Variants in SLIT2 observed in about 807,000 individuals in gnomAD.
SLIT2 encodes the protein slit homolog 2 protein.
Under a neutral mutation model 185.7 loss-of-function variants are expected in SLIT2, and 41 were observed. The ratio of observed to expected loss-of-function variants is 0.22; its 90% CI spans 0.17 to 0.29. SLIT2 has a LOEUF of 0.29. SLIT2 is among the 10% of genes least tolerant of loss of function. The pLI, the probability that SLIT2 is intolerant of heterozygous loss-of-function variation, is 1.00. For missense variants in SLIT2, 1,571 were observed against 1,909.0 expected (o/e 0.82, Z 3.30); for synonymous variants, 693 against 680.2 (o/e 1.02, Z -0.29).
intron 4 of SLIT2, among the ~76,000 whole-genome samples, chr4:20,326,648 A>T (rs1175695434): frequency 6.6e-6 from 1 of 151,328 alleles, no homozygotes; most frequent in Admixed American, 6.6e-5. Flanking sequence ...AATGAACTCT[A>T]AGTGACTCTT....
At chr4:20,471,022 T>A (rs1161631789) in intron 5 of SLIT2, among the ~76,000 whole-genome samples, 2 of 152,184 alleles carry the variant, frequency 1.3e-5, no homozygotes, top group South Asian at 2.1e-4. Flanking sequence ...TCAGAAACTA[T>A]GTGGATGATG....
chr4:20,573,918 G>A (rs1437010008), intron 29 of SLIT2, among the ~76,000 whole-genome samples: 2 of 142,296 alleles, frequency 1.4e-5, no homozygotes, highest in African/African-American at 2.6e-5. Context: ...CAGGGCCCAA[G>A]AACGTGAGTC....
chr4:20,471,300 A>G lies in SLIT2; in HGVS notation c.467+3477A>G, dbSNP rs1011426103. 9.2e-5 allele frequency among the ~76,000 whole-genome samples: 14 copies of G among 152,176 alleles called. No homozygotes were observed. The East Asian group carries it at 2.7e-3, about 29-fold the overall frequency. On this transcript the variant is annotated intron_variant, in intron 5 of 36. Transcript: ENST00000504154. ...TTAATCATGAAAACTTACGAAGGCT[A>G]TCTGGTAAAATATATTATAACTGAG...
Position 20,551,540 on chromosome 4 carries a change from G to A in SLIT2, c.2561+642G>A, listed in dbSNP as rs1234990555. 2.0e-5 allele frequency among the ~76,000 whole-genome samples: 3 copies of A among 152,088 alleles called. No homozygotes were observed. In the East Asian group the frequency reaches 5.8e-4, roughly 29 times the overall value. ...AAAACTCATTTGGGTCAAATTCCAT[G>A]ATTTTATTATTACTAGGTGTAATGT... On this transcript the variant is annotated intron_variant, in intron 25 of 36. Transcript: ENST00000504154.
chr4:20,523,296 C>T (rs982424098), intron 12 of SLIT2, among the ~76,000 whole-genome samples: 6 of 152,276 alleles, frequency 3.9e-5, no homozygotes, highest in African/African-American at 1.4e-4. Flanking sequence ...CAATTGGGAG[C>T]TGTCGCATGG....
chr4:20,550,936 A>G (rs756909979), intron 25 of SLIT2, 38 bp downstream of exon 25: 10 of 1,139,136 alleles, frequency 8.8e-6, no homozygotes, highest in Admixed American at 3.6e-5. Flanking sequence ...TTAGGGTCAA[A>G]CACTTCCTAA....
At chr4:20,606,089 C>T (rs1484392659) in intron 33 of SLIT2, among the ~76,000 whole-genome samples, 1 of 152,144 alleles carries the variant, frequency 6.6e-6, no homozygotes, top group Non-Finnish European at 1.5e-5. Context: ...CAAAGGATTC[C>T]TGGACATCCT....
intron 4 of SLIT2, chr4:20,393,798 A>T (rs1046612605): frequency 6.6e-6 from 1 of 152,082 alleles, no homozygotes; most frequent in African/African-American, 2.4e-5. Context: ...TTGAAAGCTT[A>T]TGCTCATCAC....
chr4:20,381,889 C>CATAAATACATAATACATATGTATTTGT (rs543440373), intron 4 of SLIT2, among the ~76,000 whole-genome samples: 220 of 151,550 alleles, frequency 1.5e-3, no homozygotes, highest in South Asian at 6.1e-3. Flanking sequence ...CAATATCCTT[C>CATAAATACATAATACATATGTATTTGT]ATAAATACAT....
At chr4:20,366,520 A>G (rs1429531794) in intron 4 of SLIT2, among the ~76,000 whole-genome samples, 1 of 152,092 alleles carries the variant, frequency 6.6e-6, no homozygotes, top group Non-Finnish European at 1.5e-5. Flanking sequence ...GTATTTGATA[A>G]TCTCACCCAA....
chr4:20,354,542 G>C (rs1348151872), intron 4 of SLIT2, among the ~76,000 whole-genome samples: 1 of 152,060 alleles, frequency 6.6e-6, no homozygotes, highest in Non-Finnish European at 1.5e-5. Flanking sequence ...CCAAAGTTTT[G>C]GTGACTGTTT....
At chr4:20,509,201 C>T (rs953466027) in intron 9 of SLIT2, among the ~76,000 whole-genome samples, 1 of 150,710 alleles carries the variant, frequency 6.6e-6, no homozygotes, top group Non-Finnish European at 1.5e-5. Context: ...TTTTCAAATC[C>T]GGGCGGGAAA....
At chr4:20,544,123 C>A (rs976603189) in intron 21 of SLIT2, among the ~76,000 whole-genome samples, 1 of 151,462 alleles carries the variant, frequency 6.6e-6, no homozygotes, top group African/African-American at 2.4e-5. Context: ...TGTATACATA[C>A]GTAACAAACC....
Position 20,604,905 on chromosome 4 carries a change from G to A in SLIT2, c.3693-5108G>A, listed in dbSNP as rs190383842. ...GGCTAGAGGGCAGTGGCACAATCTCGCCTCACTGCAACCTCCACCTCCCGG... is the reference window on the plus strand; with the variant it reads ...GGCTAGAGGGCAGTGGCACAATCTCACCTCACTGCAACCTCCACCTCCCGG... On this transcript the variant is annotated intron_variant, in intron 33 of 36. Coordinates refer to ENST00000504154, the MANE Select transcript of SLIT2 (RefSeq NM_004787.4). Among the ~76,000 whole-genome samples, 412 of 150,282 alleles carry A rather than the reference G, an allele frequency of 2.7e-3. 4 individuals carry two copies. The highest frequency in any genetic ancestry group is 9.7e-3 in the African/African-American group (396 of 40,860).
intron 4 of SLIT2, among the ~76,000 whole-genome samples, chr4:20,463,818 G>A (rs1193077750): frequency 1.3e-5 from 2 of 150,234 alleles, no homozygotes; most frequent in Non-Finnish European, 3.0e-5. Context: ...GGAGCTTGCA[G>A]TGAGCCGAGA....
intron 4 of SLIT2, among the ~76,000 whole-genome samples, chr4:20,395,875 AT>A (rs1560386071): frequency 6.6e-6 from 1 of 151,966 alleles, no homozygotes; most frequent in African/African-American, 2.4e-5. Flanking sequence ...CAAGCAATTT[AT>A]TATGTGATGC....
At chr4:20,392,940 A>C (rs1219042694) in intron 4 of SLIT2, among the ~76,000 whole-genome samples, 4 of 152,104 alleles carry the variant, frequency 2.6e-5, no homozygotes, top group African/African-American at 7.2e-5. Context: ...GTACATGCTA[A>C]AATAATGATA....
chr4:20,491,922 T>C (rs112452836), intron 9 of SLIT2, 23 bp downstream of exon 9: 1 of 1,607,552 alleles, frequency 6.2e-7, no homozygotes. Flanking sequence ...AATTCTTTCT[T>C]ATCTCCCCAC....
chr4:20,535,063 G>A (rs1389756136), intron 18 of SLIT2, among the ~76,000 whole-genome samples: 1 of 152,046 alleles, frequency 6.6e-6, no homozygotes, highest in Non-Finnish European at 1.5e-5. Context: ...CACTTTGGGA[G>A]GCCAAGGTGG....
Sources: gnomAD v4.1 joint callset for allele counts (sites outside exome capture counted in the v4.1 genomes callset) on GRCh38, gnomAD v4.1.1 for gene constraint, MANE v1.5 for transcripts, NCBI Gene and HGNC (gene_info 2026-07-23, HGNC 2026-07-21) for gene names.